The following CUL9 variants were observed in gnomAD, a reference collection of about 807,000 sequenced individuals.
CUL9 encodes cullin 9.
Under a neutral mutation model 272.6 loss-of-function variants are expected in CUL9, and 79 were observed. The observed-to-expected ratio is 0.29, with a 90% CI of 0.24 to 0.35. The LOEUF (loss-of-function observed/expected upper bound fraction) is 0.35, where lower values mean the gene tolerates loss of function less well. CUL9 is among the 10% of genes least tolerant of loss of function. CUL9 has a pLI of 1.00. For missense variants in CUL9, 2,532 were observed against 3,255.6 expected (o/e 0.78, Z 5.41); for synonymous variants, 1,186 against 1,286.5 (o/e 0.92, Z 1.67).
At chr6:43,219,828 G>A (rs567647822) in intron 31 of CUL9, among the ~76,000 whole-genome samples, 1 of 152,252 alleles carries the variant, frequency 6.6e-6, no homozygotes, top group South Asian at 2.1e-4. Flanking sequence ...CAGTGGTTTA[G>A]GGATGAGGGG....
chr6:43,188,597 G>A lies in CUL9; in HGVS notation c.2062G>A (p.Val688Met), dbSNP rs1773138949. Residue 688 changes from valine (V) to methionine (M), a missense_variant, in exon 8 of 41, where the codon GTG becomes ATG. Around this residue, in one of 3 missense-constraint regions of CUL9, gnomAD observed 2,218 missense variants for 2,788.6 expected, o/e 0.80. Coordinates refer to ENST00000252050, the MANE Select transcript of CUL9 (RefSeq NM_015089.4). ...DQHVAAVVATVQISSLDTNLQ... is the reference protein window; with the variant it reads ...DQHVAAVVATMQISSLDTNLQ... Reference sequence around the variant, plus strand: ...GCATGTGGCAGCGGTCGTGGCCACTGTGCAGATATCCAGCTTGGACACAAA... The same window carrying A: ...GCATGTGGCAGCGGTCGTGGCCACTATGCAGATATCCAGCTTGGACACAAA... The A allele has an allele frequency of 6.2e-7, 1 of 1,614,228 alleles. No homozygotes were observed. Among genetic ancestry groups the A allele is most frequent in the Non-Finnish European group, 8.5e-7 (1 of 1,180,046 alleles).
At chr6:43,212,928 C>CG in intron 26 of CUL9, 1 of 535,744 alleles carries the variant, frequency 1.9e-6, no homozygotes, top group Non-Finnish European at 3.3e-6. Flanking sequence ...CAGGGCTAGG[C>CG]GCTGGGTCTA....
intron 20 of CUL9, 42 bp downstream of exon 20, chr6:43,204,029 C>G: frequency 6.5e-7 from 1 of 1,547,074 alleles, no homozygotes. Flanking sequence ...AGTTCCTTGT[C>G]CTTATTCCCA....
chr6:43,221,102 C>A lies in CUL9; in HGVS notation c.6589-56C>A. ...CCTGCTCCCCTCTCTCCTGTGCACA[C>A]CAGCCATGCTGCCCTCACGGCTCAG... On this transcript the variant is annotated intron_variant, in intron 33 of 40. Transcript: ENST00000252050. This position sits in a 1 kb window ranked among gnomAD's most constrained non-coding sequence, Gnocchi z 4.2. 1 of 1,586,162 alleles carries A rather than the reference C, an allele frequency of 6.3e-7. No individual in the cohort carries two copies. Among genetic ancestry groups the A allele is most frequent in the Non-Finnish European group, 8.6e-7 (1 of 1,167,186 alleles).
intron 30 of CUL9, among the ~76,000 whole-genome samples, chr6:43,215,728 T>A (rs1381442442): frequency 6.6e-6 from 1 of 152,204 alleles, no homozygotes; most frequent in African/African-American, 2.4e-5. Context: ...GTAATCTTTC[T>A]CAAACCTCAA....
chr6:43,187,222 T>C lies in CUL9; in HGVS notation c.1388-24T>C, dbSNP rs150947009. 1,423 of 1,611,428 alleles carry C rather than the reference T, an allele frequency of 8.8e-4. 16 individuals are homozygous for C. The African/African-American group carries it at 0.016, about 18-fold the overall frequency. ...AGACCCCATTCCTGAGGGGTGCTGA[T>C]GCCCGCCATGCCTGTGTCCTCAGCA... On this transcript the variant is annotated intron_variant, in intron 5 of 40. Coordinates refer to ENST00000252050, the MANE Select transcript of CUL9 (RefSeq NM_015089.4).
intron 1 of CUL9, among the ~76,000 whole-genome samples, chr6:43,183,802 G>T (rs1407773541): frequency 6.6e-6 from 1 of 150,858 alleles, no homozygotes; most frequent in African/African-American, 2.4e-5. Context: ...GCCCAGGCTG[G>T]AGTACAGTGG....
chr6:43,213,041 GC>G lies in CUL9; in HGVS notation c.5213-105del. On this transcript the variant is annotated intron_variant, in intron 26 of 40. Coordinates refer to ENST00000252050, the MANE Select transcript of CUL9 (RefSeq NM_015089.4). This position sits in a 1 kb window ranked among gnomAD's most constrained non-coding sequence, Gnocchi z 5.7. ...TATCTCTCTGTCTGAAAATGCTGGG[GC>G]CCTCCTCCCCATAGGGACTAGTAGG... The G allele has an allele frequency of 8.0e-7, 1 of 1,244,202 alleles. No homozygotes were observed. Among genetic ancestry groups the G allele is most frequent in the South Asian group, 1.4e-5 (1 of 69,496 alleles). 77.1% of individuals were successfully genotyped at this position (1,244,202 alleles called of 1,614,324 possible).
intron 31 of CUL9, among the ~76,000 whole-genome samples, chr6:43,217,302 A>G (rs1452100148): frequency 1.3e-5 from 2 of 152,196 alleles, no homozygotes; most frequent in African/African-American, 4.8e-5. Context: ...GGCTGCAGTG[A>G]GCCAGTATCT....
At position 43,223,641 on chromosome 6, in the gene CUL9, A is replaced by G. The variant is rs1233174123; in HGVS notation, c.7284+244A>G. On this transcript the variant is annotated intron_variant, in intron 39 of 40. Coordinates refer to ENST00000252050, the MANE Select transcript of CUL9 (RefSeq NM_015089.4). The surrounding 1 kb of genome is among the most constrained non-coding windows in gnomAD (Gnocchi z 4.1). The stretch of plus-strand genomic sequence containing the variant: ...GGGTTGGCTAGCCCACATCAAGGGT[A>G]TTTGGTCAGGTGCCTATCAGAATCA... The G allele has an allele frequency of 5.3e-6, 3 of 570,300 alleles. No homozygotes were observed. 35.3% of individuals were successfully genotyped at this position (570,300 alleles called of 1,614,324 possible).
chr6:43,193,603 G>C (rs1299990945), intron 9 of CUL9, among the ~76,000 whole-genome samples: 1 of 152,130 alleles, frequency 6.6e-6, no homozygotes, highest in Non-Finnish European at 1.5e-5. Flanking sequence ...CTGGAGTGCA[G>C]TGGCGCTATC....
intron 6 of CUL9, 119 bp downstream of exon 6, chr6:43,187,558 A>G (rs1582289775): frequency 1.4e-5 from 18 of 1,330,500 alleles, no homozygotes; most frequent in Non-Finnish European, 1.9e-5. Flanking sequence ...GATTAGAGTT[A>G]GGAGGAGTCC....
At chr6:43,219,525 T>TTATC (rs1554181758) in intron 31 of CUL9, among the ~76,000 whole-genome samples, 1 of 151,708 alleles carries the variant, frequency 6.6e-6, no homozygotes, top group African/African-American at 2.4e-5. Flanking sequence ...TTTCCCAACT[T>TTATC]TGGGTTTGTT....
chr6:43,222,257 A>T (rs555299871), intron 35 of CUL9, 59 bp from the exon 36 acceptor site: 2 of 1,419,452 alleles, frequency 1.4e-6, no homozygotes, highest in Non-Finnish European at 2.0e-6. Context: ...TTTTCCACTT[A>T]TTAACTCCCT....
Position 43,220,769 on chromosome 6 carries a change from G to C in CUL9, c.6446G>C (p.Gly2149Ala). ...ISKYEKALLR[G>A]YVESCSNLTW... Reference sequence around the variant, plus strand: ...CAGTATGAGAAGGCGCTCCTGCGTGGCTATGTGGAGAGCTGCTCCAACCTG... The same window carrying C: ...CAGTATGAGAAGGCGCTCCTGCGTGCCTATGTGGAGAGCTGCTCCAACCTG... Residue 2149 changes from glycine (G) to alanine (A), a missense_variant, in exon 33 of 41, where the codon GGC becomes GCC. Around this residue, in one of 3 missense-constraint regions of CUL9, gnomAD observed 2,218 missense variants for 2,788.6 expected, o/e 0.80. Coordinates refer to ENST00000252050, the MANE Select transcript of CUL9 (RefSeq NM_015089.4). This position sits in a 1 kb window ranked among gnomAD's most constrained non-coding sequence, Gnocchi z 4.9. 1.2e-6 allele frequency: 2 copies of C among 1,612,990 alleles called. No individual in the cohort carries two copies. Among genetic ancestry groups the C allele is most frequent in the Middle Eastern group, 1.7e-4 (1 of 5,876 alleles).
rs1773141227 is a variant in CUL9, at chr6:43,188,614, G to C, written c.2079G>C (p.Leu693Phe). The change falls in exon 8 of 41, where the codon TTG becomes TTC. Residue 693 changes from leucine (L) to phenylalanine (F), a missense_variant. Physicochemically the swap from Leu to Phe is conservative, Grantham distance 22. Transcript: ENST00000252050. ...TGGCCACTGTGCAGATATCCAGCTT[G>C]GACACAAACCTGCAGCTTTCAGGGC... ...AVVATVQISS[L>F]DTNLQLSGLS... 4 of 1,614,070 alleles carry C rather than the reference G, an allele frequency of 2.5e-6. No homozygotes were observed. In the Admixed American group the frequency reaches 6.7e-5, roughly 27 times the overall value.
intron 8 of CUL9, 25 bp from the exon 9 acceptor site, chr6:43,192,976 G>T (rs1415849627): frequency 1.9e-6 from 3 of 1,609,192 alleles, no homozygotes; most frequent in Non-Finnish European, 2.6e-6. Flanking sequence ...GGGATGGGGA[G>T]CCCCAATATC....
Position 43,193,470 on chromosome 6 carries a change from G to A in CUL9, c.2388+262G>A, listed in dbSNP as rs568579247. Among the ~76,000 whole-genome samples, 3 of 152,292 alleles carry A rather than the reference G, an allele frequency of 2.0e-5. No homozygotes were observed. The East Asian group carries it at 5.8e-4, about 29-fold the overall frequency. ...ACTGATCTTGAACTCCTGGGCTCAC[G>A]TGATCCTCCCACCTCAGCCTCCCAA... is the stretch of plus-strand genomic sequence containing the variant. On this transcript the variant is annotated intron_variant, in intron 9 of 40. Coordinates refer to ENST00000252050, the MANE Select transcript of CUL9 (RefSeq NM_015089.4).
rs1043330298 is a variant in CUL9, at chr6:43,200,583, C to G, written c.3475+57C>G. On this transcript the variant is annotated intron_variant, in intron 15 of 40. Coordinates refer to ENST00000252050, the MANE Select transcript of CUL9 (RefSeq NM_015089.4). The surrounding 1 kb of genome is among the most constrained non-coding windows in gnomAD (Gnocchi z 4.0). ...CCATCCAGTGTCTGTTCTCCCCTTC[C>G]CTTCCTGCTCCTTAGACCTTTTCCT... 5 of 1,613,854 alleles carry G rather than the reference C, an allele frequency of 3.1e-6. No individual in the cohort carries two copies. Among genetic ancestry groups the G allele is most frequent in the Non-Finnish European group, 4.2e-6 (5 of 1,179,808 alleles).
Sources: allele counts gnomAD v4.1 joint callset (sites outside exome capture counted in the v4.1 genomes callset), GRCh38; gene constraint gnomAD v4.1.1; regional missense constraint gnomAD v4.1.1; non-coding constraint Gnocchi (gnomAD v3.1); transcripts MANE v1.5; gene names NCBI Gene and HGNC (gene_info 2026-07-23, HGNC 2026-07-21).